The following NPEPPS variants were observed in gnomAD, a reference collection of about 807,000 sequenced individuals.
The protein encoded by NPEPPS is aminopeptidase puromycin sensitive.
In NPEPPS, 14 loss-of-function variants were observed where a neutral mutation model predicts 115.5. That is an observed-to-expected ratio of 0.12 (90% confidence interval 0.08 to 0.19). The LOEUF is 0.19. Among genes scored for constraint, NPEPPS ranks in the 10% least tolerant of loss-of-function variants. The pLI is 1.00. For synonymous variants in NPEPPS, 285 were observed against 390.6 expected (o/e 0.73, Z 3.19); for missense variants, 523 against 1,110.8 (o/e 0.47, Z 7.52).
At chr17:47,523,674 C>T (rs1453322231) in intron 1 of NPEPPS, among the ~76,000 whole-genome samples, 2 of 152,094 alleles carry the variant, frequency 1.3e-5, no homozygotes, top group Admixed American at 6.6e-5. Flanking sequence ...CTGCCTGCCT[C>T]GGCCTCCCAA....
chr17:47,550,075 T>C lies in NPEPPS; in HGVS notation c.340+4082T>C, dbSNP rs1438559099. Among the ~76,000 whole-genome samples, 9 of 150,950 alleles carry C rather than the reference T, an allele frequency of 6.0e-5. No individual in the cohort carries two copies. The South Asian group carries it at 1.5e-3, about 25-fold the overall frequency. On this transcript the variant is annotated intron_variant, in intron 2 of 22. Coordinates refer to ENST00000322157, the MANE Select transcript of NPEPPS (RefSeq NM_006310.4). ...TCAGCCTCCCCAGCATCTGGGGCTA[T>C]AGGCGCACGCTGCCACGCCCAGCTA...
intron 1 of NPEPPS, among the ~76,000 whole-genome samples, chr17:47,540,886 G>A (rs1908705211): frequency 6.6e-6 from 1 of 152,024 alleles, no homozygotes; most frequent in South Asian, 2.1e-4. Flanking sequence ...AAATGTGAAT[G>A]GATTTCTATT....
At position 47,612,560 on chromosome 17, in the gene NPEPPS, C is replaced by T. The variant is rs372616507; in HGVS notation, c.2196C>T (p.His732=). The change falls in exon 18 of 23, where the codon CAC becomes CAT. Residue 732 remains histidine, a synonymous_variant. Coordinates refer to ENST00000322157, the MANE Select transcript of NPEPPS (RefSeq NM_006310.4). The stretch of plus-strand genomic sequence containing the variant: ...AAGCCCGTCGTCGGTTTAAGGACCA[C>T]GTGGAAGGAAAACAGATTCTCTCCG... ...LEEARRRFKD[H]VEGKQILSAD... 60 of 1,613,620 alleles carry T rather than the reference C, an allele frequency of 3.7e-5. No homozygotes were observed. The highest frequency in any genetic ancestry group is 1.6e-4 in the South Asian group (15 of 91,080).
intron 1 of NPEPPS, among the ~76,000 whole-genome samples, chr17:47,543,483 ATTTT>A (rs1244034572): frequency 8.5e-6 from 1 of 118,126 alleles, no homozygotes. Context: ...GGCCTGGCTA[ATTTT>A]TTTTTTTTTT....
At chr17:47,530,569 G>A (rs1234635701), upstream of NPEPPS, among the ~76,000 whole-genome samples, 1 of 151,302 alleles carries the variant, frequency 6.6e-6, no homozygotes, top group Non-Finnish European at 1.5e-5. Flanking sequence ...TGTTAGCCAG[G>A]ATGGTCTCGA....
intron 9 of NPEPPS, among the ~76,000 whole-genome samples, chr17:47,588,576 A>C (rs1355878246): frequency 6.6e-6 from 1 of 152,106 alleles, no homozygotes; most frequent in Non-Finnish European, 1.5e-5. Flanking sequence ...AAAAAAAAAA[A>C]AGAAATATAA....
intron 2 of NPEPPS, among the ~76,000 whole-genome samples, chr17:47,556,647 G>A (rs35806769): frequency 0.45 from 67,842 of 151,568 alleles, 16,099 homozygotes; most frequent in East Asian, 0.55. Context: ...TCACTTCCCA[G>A]AAGGGGCGGC....
At chr17:47,607,618 G>A (rs1913592675) in intron 17 of NPEPPS, among the ~76,000 whole-genome samples, 1 of 152,198 alleles carries the variant, frequency 6.6e-6, no homozygotes, top group South Asian at 2.1e-4. Context: ...GACGAGAGGA[G>A]GCAGGGAGAC....
upstream of NPEPPS, among the ~76,000 whole-genome samples, chr17:47,529,507 C>T (rs1272140931): frequency 6.7e-6 from 1 of 148,418 alleles, no homozygotes; most frequent in Non-Finnish European, 1.5e-5. Context: ...CGGGTTCAAG[C>T]GATTCTCCTG....
At position 47,618,451 on chromosome 17, in the gene NPEPPS, A is replaced by G. The variant is rs1380823279; in HGVS notation, c.2397A>G (p.Ala799=). 2 of 1,609,554 alleles carry G rather than the reference A, an allele frequency of 1.2e-6. No homozygotes were observed. The highest frequency in any genetic ancestry group is 1.7e-5 in the Admixed American group (1 of 59,962). Residue 799 remains alanine (A), a synonymous_variant, in exon 20 of 23, where the codon GCA becomes GCG. Coordinates refer to ENST00000322157, the MANE Select transcript of NPEPPS (RefSeq NM_006310.4). ...PDLIQKVLTF[A]LSEEVRPQDT... ...TGATTCAAAAAGTCCTCACGTTTGCACTTTCAGTAAGTTACGGTGAAAACT... is the reference window on the plus strand; with the variant it reads ...TGATTCAAAAAGTCCTCACGTTTGCGCTTTCAGTAAGTTACGGTGAAAACT...
Position 47,604,089 on chromosome 17 carries a change from G to T in NPEPPS, c.1875+40G>T, listed in dbSNP as rs746442880. 2.5e-6 allele frequency: 4 copies of T among 1,575,000 alleles called. No homozygotes were observed. In the African/African-American group the frequency reaches 5.4e-5, roughly 21 times the overall value. On this transcript the variant is annotated intron_variant, in intron 16 of 22. Transcript: ENST00000322157. ...CTTAAGTAATATGATGGATTTTGCT[G>T]ATTAAAAGATTCTGTTTTTCCTGGA...
chr17:47,602,706 A>G (rs999559393), intron 15 of NPEPPS, among the ~76,000 whole-genome samples: 2 of 148,040 alleles, frequency 1.4e-5, no homozygotes, highest in Non-Finnish European at 3.0e-5. Flanking sequence ...TGGTCTCACT[A>G]TGTTGCTTAG....
chr17:47,560,886 A>G (rs1225544833), intron 2 of NPEPPS, among the ~76,000 whole-genome samples: 2 of 152,214 alleles, frequency 1.3e-5, no homozygotes, highest in Non-Finnish European at 2.9e-5. Context: ...TATGTGGGCT[A>G]TATAGAATTA....
intron 1 of NPEPPS, among the ~76,000 whole-genome samples, chr17:47,524,805 A>G (rs1406206824): frequency 7.2e-6 from 1 of 138,718 alleles, no homozygotes; most frequent in African/African-American, 2.7e-5. Context: ...TGCCCGGCCA[A>G]TTTTTTTTTT....
chr17:47,601,944 A>C (rs572614955), intron 15 of NPEPPS, 197 bp downstream of exon 15: 1 of 562,028 alleles, frequency 1.8e-6, no homozygotes, highest in Non-Finnish European at 3.0e-6. Flanking sequence ...AGAGAAGCAG[A>C]TCCAAAGGCA....
chr17:47,568,568 A>T lies in NPEPPS; in HGVS notation c.341-849A>T, dbSNP rs531154680. Among the ~76,000 whole-genome samples, 6 of 132,054 alleles carry T rather than the reference A, an allele frequency of 4.5e-5. No individual in the cohort carries two copies. In the South Asian group the frequency reaches 1.6e-3, roughly 36 times the overall value. The allele number at this position is 132,054 out of a possible 152,430, so 86.6% of individuals were successfully genotyped here. ...ACATGTCCAAGCATCCTAAAGTATCAGTCAAATAAGCAGTCTCTTCTCATT... is the reference window on the plus strand; with the variant it reads ...ACATGTCCAAGCATCCTAAAGTATCTGTCAAATAAGCAGTCTCTTCTCATT... On this transcript the variant is annotated intron_variant, in intron 2 of 22. Coordinates refer to ENST00000322157, the MANE Select transcript of NPEPPS (RefSeq NM_006310.4).
At chr17:47,617,595 C>G (rs1003527396) in intron 19 of NPEPPS, among the ~76,000 whole-genome samples, 6 of 132,578 alleles carry the variant, frequency 4.5e-5, no homozygotes, top group Non-Finnish European at 1.0e-4. Flanking sequence ...ATATAACTTT[C>G]AATAATGCAT....
intron 22 of NPEPPS, 121 bp downstream of exon 22, chr17:47,619,905 A>G: frequency 1.2e-6 from 1 of 847,674 alleles, no homozygotes; most frequent in Non-Finnish European, 2.0e-6. Context: ...TTAGAGAAAG[A>G]CATCATGCAG....
intron 5 of NPEPPS, 32 bp from the exon 6 acceptor site, chr17:47,585,468 A>G: frequency 1.3e-6 from 2 of 1,504,726 alleles, no homozygotes; most frequent in African/African-American, 1.4e-5. Context: ...ATGTAAACCT[A>G]TTTAAATTTT....
Sources: gnomAD v4.1 joint callset for allele counts (sites outside exome capture counted in the v4.1 genomes callset) on GRCh38, gnomAD v4.1.1 for gene constraint, MANE v1.5 for transcripts, NCBI Gene and HGNC (gene_info 2026-07-23, HGNC 2026-07-21) for gene names.